The following ANPEP variants were observed in gnomAD, a reference collection of about 807,000 sequenced individuals.
The protein encoded by ANPEP is alanyl aminopeptidase, membrane.
A neutral mutation model predicts 114.6 loss-of-function variants in ANPEP; 70 were observed. The observed-to-expected ratio is 0.61, with a 90% CI of 0.50 to 0.75. The LOEUF (loss-of-function observed/expected upper bound fraction) is 0.75. Among genes scored for constraint, ANPEP ranks in the 30% least tolerant of loss-of-function variants. The pLI, the probability that ANPEP is intolerant of heterozygous loss-of-function variation, is 0.00. For synonymous variants in ANPEP, 548 were observed against 522.3 expected (o/e 1.05, Z -0.67); for missense variants, 1,184 against 1,259.5 (o/e 0.94, Z 0.91).
intron 15 of ANPEP, among the ~76,000 whole-genome samples, chr15:89,793,575 C>T (rs979286623): frequency 1.3e-5 from 2 of 151,892 alleles, no homozygotes; most frequent in African/African-American, 4.8e-5. Flanking sequence ...TGGTGGTGCA[C>T]ACCTGTATTC....
chr15:89,793,800 C>T (rs1968678987), intron 15 of ANPEP, among the ~76,000 whole-genome samples: 1 of 151,754 alleles, frequency 6.6e-6, no homozygotes, highest in African/African-American at 2.4e-5. Context: ...AGGAGCTCAC[C>T]AAAACTACAG....
intron 1 of ANPEP, among the ~76,000 whole-genome samples, chr15:89,813,481 C>T (rs1894851169): frequency 6.6e-6 from 1 of 152,200 alleles, no homozygotes; most frequent in Admixed American, 6.5e-5. Flanking sequence ...GAAGCGGGAG[C>T]AGCGCTGTGG....
intron 15 of ANPEP, among the ~76,000 whole-genome samples, chr15:89,794,521 A>G (rs1468376159): frequency 2.0e-5 from 3 of 152,072 alleles, no homozygotes; most frequent in African/African-American, 7.2e-5. Flanking sequence ...TAAAAAAATT[A>G]AAGGGACAAG....
chr15:89,789,191 G>A (rs533887480), intron 20 of ANPEP, among the ~76,000 whole-genome samples: 5 of 151,318 alleles, frequency 3.3e-5, no homozygotes, highest in Admixed American at 6.6e-5. Context: ...TGTTGGCCAC[G>A]CTGGTCTGGA....
chr15:89,804,530 C>A lies in ANPEP; in HGVS notation c.985G>T (p.Ala329Ser), dbSNP rs749017463. The change falls in exon 5 of 21, where the codon GCT (alanine) becomes TCT (serine). Residue 329 changes from alanine (A) to serine (S), a missense_variant. Physicochemically the swap from Ala to Ser is moderately conservative, Grantham distance 99. Transcript: ENST00000300060. ...GGGTAGGGTGTGTCATAATGACCAG[C>A]AAAGAAGTTAAGGATGGGGCCCGTC... Reference protein sequence around the residue: ...NVTGPILNFFAGHYDTPYPLP... With the variant: ...NVTGPILNFFSGHYDTPYPLP... The A allele has an allele frequency of 6.2e-7, 1 of 1,614,176 alleles. No homozygotes were observed. Among genetic ancestry groups the A allele is most frequent in the Non-Finnish European group, 8.5e-7 (1 of 1,180,042 alleles).
In ANPEP at chr15:89,785,357, T is replaced by C; in HGVS notation, c.2896A>G (p.Ser966Gly). 6.2e-7 allele frequency: 1 copy of C among 1,614,224 alleles called. No individual in the cohort carries two copies. The highest frequency in any genetic ancestry group is 8.5e-7 in the Non-Finnish European group (1 of 1,180,028). ...EVVLQWFTENSK is the reference protein window; with the variant it reads ...EVVLQWFTENGK The stretch of plus-strand genomic sequence containing the variant: ...ACTTCAAGGGCTGGGGACTATTTGC[T>C]GTTTTCTGTGAACCACTGGAGCACC... Residue 966 changes from serine (S) to glycine (G), a missense_variant, in exon 21 of 21, where the codon AGC becomes GGC. Transcript: ENST00000300060.
intron 1 of ANPEP, among the ~76,000 whole-genome samples, chr15:89,811,649 T>TAAAAAAAAA (rs754725578): frequency 9.9e-6 from 1 of 100,534 alleles, no homozygotes; most frequent in East Asian, 2.7e-4. Context: ...CCATCTCAAG[T>TAAAAAAAAA]AAAAAAAAAA....
rs1018806722 is a variant in ANPEP at position 89,806,845 on chromosome 15, C to A, written c.-223-39G>T. 2.1e-6 allele frequency: 1 copy of A among 465,360 alleles called. No individual in the cohort carries two copies. Among genetic ancestry groups the A allele is most frequent in the Admixed American group, 3.7e-5 (1 of 27,100 alleles). The allele number at this position is 465,360 out of a possible 1,614,324, so 28.8% of individuals were successfully genotyped here. On this transcript the variant is annotated intron_variant, in intron 1 of 20. Coordinates refer to ENST00000300060, the MANE Select transcript of ANPEP (RefSeq NM_001150.3). The surrounding 1 kb of genome is among the most constrained non-coding windows in gnomAD (Gnocchi z 5.7). ...ACAGTGTCTGGTTACAGGCTGCAGG[C>A]GGCCTGGGATCAGGCCCGAGGGCTG... is the stretch of plus-strand genomic sequence containing the variant.
intron 20 of ANPEP, among the ~76,000 whole-genome samples, chr15:89,787,493 A>G (rs1968529971): frequency 6.6e-6 from 1 of 152,242 alleles, no homozygotes; most frequent in East Asian, 1.9e-4. Context: ...CCAAAGGGAA[A>G]AAAAACAGAT....
chr15:89,809,976 T>G (rs1318300555), intron 1 of ANPEP, among the ~76,000 whole-genome samples: 2 of 151,992 alleles, frequency 1.3e-5, no homozygotes, highest in Non-Finnish European at 2.9e-5. Context: ...AAACTCCTAC[T>G]CATCCTTCAA....
At position 89,788,653 on chromosome 15, in the gene ANPEP, T is replaced by C. The variant is rs1319000832; in HGVS notation, c.2751+1807A>G. Among the ~76,000 whole-genome samples the C allele has an allele frequency of 2.0e-5, 3 of 152,160 alleles. No individual in the cohort carries two copies. In the East Asian group the frequency reaches 5.8e-4, roughly 29 times the overall value. On this transcript the variant is annotated intron_variant, in intron 20 of 20. Transcript: ENST00000300060. ...TCTTGCTCTGTCACCCAGGCTGGAA[T>C]GCGGTGGCACCACCTCCGCTCACTG... is the stretch of plus-strand genomic sequence containing the variant.
intron 14 of ANPEP, among the ~76,000 whole-genome samples, chr15:89,798,402 C>A (rs942071339): frequency 2.0e-5 from 3 of 152,174 alleles, no homozygotes; most frequent in Non-Finnish European, 2.9e-5. Flanking sequence ...TTTGGGATGG[C>A]AAGGCAGGTG....
intron 19 of ANPEP, 57 bp from the exon 20 acceptor site, chr15:89,790,598 C>T: frequency 6.9e-7 from 1 of 1,445,940 alleles, no homozygotes; most frequent in Non-Finnish European, 9.7e-7. Context: ...GGAGGCTCAT[C>T]CTCACACCTA....
intron 19 of ANPEP, 61 bp downstream of exon 19, chr15:89,790,875 TGTCTTACCCGCACAGGC>T (rs1968607697): frequency 6.5e-7 from 1 of 1,543,252 alleles, no homozygotes; most frequent in Non-Finnish European, 8.8e-7. Flanking sequence ...GCCCCCGGCG[TGTCTTACCCGCACAGGC>T]CACCCCCCGG....
At chr15:89,813,397 C>T (rs918570863) in intron 1 of ANPEP, among the ~76,000 whole-genome samples, 2 of 152,186 alleles carry the variant, frequency 1.3e-5, no homozygotes, top group Non-Finnish European at 2.9e-5. Flanking sequence ...GTCTCATTCC[C>T]CAGAAGGCTC....
intron 1 of ANPEP, among the ~76,000 whole-genome samples, chr15:89,807,416 C>T (rs1358709522): frequency 3.3e-5 from 5 of 152,188 alleles, no homozygotes; most frequent in African/African-American, 9.7e-5. Flanking sequence ...AAAAATCATT[C>T]CCGGCTGGGC....
intron 15 of ANPEP, among the ~76,000 whole-genome samples, chr15:89,793,973 T>C (rs1205616219): frequency 6.6e-6 from 1 of 152,198 alleles, no homozygotes; most frequent in Admixed American, 6.6e-5. Flanking sequence ...GGTTGATTTC[T>C]GTGCCCACCT....
intron 1 of ANPEP, among the ~76,000 whole-genome samples, chr15:89,813,427 G>A (rs934176709): frequency 4.6e-5 from 7 of 152,186 alleles, no homozygotes; most frequent in African/African-American, 1.7e-4. Flanking sequence ...CACAGGGCAG[G>A]CGGCTGGGCT....
At chr15:89,791,724 A>G (rs1968631796) in intron 18 of ANPEP, among the ~76,000 whole-genome samples, 1 of 151,200 alleles carries the variant, frequency 6.6e-6, no homozygotes, top group Non-Finnish European at 1.5e-5. Flanking sequence ...AAGTGCTGGG[A>G]TTACAGGTAT....
Sources: allele counts gnomAD v4.1 joint callset (sites outside exome capture counted in the v4.1 genomes callset), GRCh38; gene constraint gnomAD v4.1.1; non-coding constraint Gnocchi (gnomAD v3.1); transcripts MANE v1.5; gene names NCBI Gene and HGNC (gene_info 2026-07-23, HGNC 2026-07-21).